The following ARFGEF2 variants were observed in gnomAD, a reference collection of about 807,000 sequenced individuals.
ARFGEF2 encodes ARF guanine nucleotide exchange factor 2.
In ARFGEF2, 74 loss-of-function variants were observed where a neutral mutation model predicts 219.9. That is an observed-to-expected ratio of 0.34 (90% CI 0.28 to 0.41). The LOEUF (loss-of-function observed/expected upper bound fraction) is 0.41. ARFGEF2 is among the 10% of genes least tolerant of loss of function. The pLI is 1.00. For missense variants in ARFGEF2, 1,743 were observed against 2,218.3 expected (o/e 0.79, Z 4.30); for synonymous variants, 733 against 799.2 (o/e 0.92, Z 1.40).
At chr20:48,964,699 A>G (rs939718804) in intron 7 of ARFGEF2, among the ~76,000 whole-genome samples, 3 of 152,218 alleles carry the variant, frequency 2.0e-5, no homozygotes, top group Non-Finnish European at 2.9e-5. Context: ...TATGGCTCAG[A>G]ATGACTGTTA....
chr20:48,968,036 C>G (rs2091199709), intron 8 of ARFGEF2, among the ~76,000 whole-genome samples: 3 of 152,072 alleles, frequency 2.0e-5, no homozygotes, highest in Admixed American at 2.0e-4. Flanking sequence ...CTCTGTTGCC[C>G]AGGCTGGAGT....
chr20:48,994,390 A>G, intron 21 of ARFGEF2, 61 bp from the exon 22 acceptor site: 2 of 1,604,722 alleles, frequency 1.2e-6, no homozygotes, highest in Non-Finnish European at 8.5e-7. Flanking sequence ...ACTTAAGATT[A>G]CAGTGCCCTT....
intron 1 of ARFGEF2, among the ~76,000 whole-genome samples, chr20:48,933,776 A>G (rs913426817): frequency 2.6e-5 from 4 of 152,014 alleles, no homozygotes; most frequent in Non-Finnish European, 5.9e-5. Context: ...TCTCTGGAGC[A>G]TGTGGGGCTG....
Position 49,023,163 on chromosome 20 carries a change from G to C in ARFGEF2, c.4737G>C (p.Glu1579Asp). 1 of 1,614,154 alleles carries C rather than the reference G, an allele frequency of 6.2e-7. No individual in the cohort carries two copies. The highest frequency in any genetic ancestry group is 1.1e-5 in the South Asian group (1 of 91,084). ...CGACGAGCAAAAAGGAGGATGCAGA[G>C]CACATGGTTGCCGCCCAGGTAAGAA... ...YPATSKKEDA[E>D]HMVAAQQDTL... The change falls in exon 35 of 39, where the codon GAG (glutamate) becomes GAC (aspartate). Residue 1579 changes from glutamate to aspartate, a missense_variant. Physicochemically the swap from Glu to Asp is conservative, Grantham distance 45 (BLOSUM62 2). Coordinates refer to ENST00000371917, the MANE Select transcript of ARFGEF2 (RefSeq NM_006420.3).
intron 8 of ARFGEF2, among the ~76,000 whole-genome samples, chr20:48,967,163 C>T (rs2091193321): frequency 6.6e-6 from 1 of 152,068 alleles, no homozygotes; most frequent in South Asian, 2.1e-4. Flanking sequence ...TGTTTTTTTC[C>T]CCCCTTGAGG....
At chr20:48,938,269 A>G (rs1233516779) in intron 1 of ARFGEF2, among the ~76,000 whole-genome samples, 2 of 152,182 alleles carry the variant, frequency 1.3e-5, no homozygotes, top group East Asian at 3.9e-4. Flanking sequence ...CATAGCACTG[A>G]TCACAGTCCT....
chr20:48,984,528 A>G (rs1192967771), intron 14 of ARFGEF2, among the ~76,000 whole-genome samples: 2 of 152,218 alleles, frequency 1.3e-5, no homozygotes, highest in Non-Finnish European at 2.9e-5. Flanking sequence ...TGAGGTGACA[A>G]TCAGCAGACT....
At position 49,010,237 on chromosome 20, in the gene ARFGEF2, C is replaced by T; in HGVS notation, c.3590C>T (p.Pro1197Leu). ...FEHIMKKNRS[P>L]TIRDMAIRCI... ...CCGTCCCATTCTTTCCTCAGGTCTC[C>T]CACCATCCGGGACATGGCGATCCGC... The change falls in exon 27 of 39, where the codon CCC becomes CTC. Residue 1197 changes from proline to leucine, a missense_variant. Around this residue, in one of 5 missense-constraint regions of ARFGEF2, gnomAD observed 102 missense variants for 146.8 expected, o/e 0.69. Coordinates refer to ENST00000371917, the MANE Select transcript of ARFGEF2 (RefSeq NM_006420.3). 6.2e-7 allele frequency: 1 copy of T among 1,613,402 alleles called. No homozygotes were observed. The highest frequency in any genetic ancestry group is 8.5e-7 in the Non-Finnish European group (1 of 1,179,380).
chr20:48,996,315 C>T (rs981151792), intron 23 of ARFGEF2, among the ~76,000 whole-genome samples: 3 of 151,662 alleles, frequency 2.0e-5, no homozygotes, highest in Non-Finnish European at 2.9e-5. Flanking sequence ...ATTAGTCAGG[C>T]GTGGTGGTGG....
At chr20:48,934,596 C>T (rs1238372207) in intron 1 of ARFGEF2, among the ~76,000 whole-genome samples, 1 of 152,152 alleles carries the variant, frequency 6.6e-6, no homozygotes, top group Non-Finnish European at 1.5e-5. Flanking sequence ...TGAGTGAGAA[C>T]ATGTGGTGTT....
At chr20:49,019,078 C>A in intron 34 of ARFGEF2, 80 bp downstream of exon 34, 1 of 1,184,304 alleles carries the variant, frequency 8.4e-7, no homozygotes, top group Non-Finnish European at 1.2e-6. Context: ...AAAGGGTAAA[C>A]ATGATAAGCC....
intron 23 of ARFGEF2, among the ~76,000 whole-genome samples, chr20:48,996,776 G>C (rs1265606638): frequency 6.8e-6 from 1 of 146,418 alleles, no homozygotes; most frequent in African/African-American, 2.5e-5. Flanking sequence ...CCATGAATGA[G>C]AGTTGGCTGA....
At position 49,018,995 on chromosome 20, in the gene ARFGEF2, G is replaced by C. The variant is rs775764028; in HGVS notation, c.4621G>C (p.Ala1541Pro). 1.5e-5 allele frequency: 24 copies of C among 1,611,204 alleles called. No individual in the cohort carries two copies. Among genetic ancestry groups the C allele is most frequent in the South Asian group, 2.2e-5 (2 of 91,008 alleles). The change falls in exon 34 of 39, where the codon GCA (alanine) becomes CCA (proline). Residue 1541 changes from alanine (A) to proline (P), a missense_variant. Around this residue, in one of 5 missense-constraint regions of ARFGEF2, gnomAD observed 578 missense variants for 664.0 expected, o/e 0.87. Transcript: ENST00000371917. Reference protein sequence around the residue: ...TDDSWKGRPYANQKLFASLLI... With the variant: ...TDDSWKGRPYPNQKLFASLLI... Reference sequence around the variant, plus strand: ...TGACAGCTGGAAGGGTAGACCATACGCAAGTAAGGCCACTTTTTAATTTGT... The same window carrying C: ...TGACAGCTGGAAGGGTAGACCATACCCAAGTAAGGCCACTTTTTAATTTGT...
At chr20:48,949,671 G>A (rs1441349434) in intron 3 of ARFGEF2, among the ~76,000 whole-genome samples, 1 of 152,056 alleles carries the variant, frequency 6.6e-6, no homozygotes, top group Non-Finnish European at 1.5e-5. Flanking sequence ...ACTAGCTAAG[G>A]AAGGGGAAAA....
chr20:49,001,310 G>A (rs1269856908), intron 25 of ARFGEF2, among the ~76,000 whole-genome samples: 4 of 152,060 alleles, frequency 2.6e-5, no homozygotes, highest in African/African-American at 4.8e-5. Context: ...AAAGTGTTGC[G>A]ATTACAGGCA....
chr20:48,932,282 G>C lies in ARFGEF2; in HGVS notation c.122-8917G>C, dbSNP rs145963028. Among the ~76,000 whole-genome samples, 91 of 152,314 alleles carry C rather than the reference G, an allele frequency of 6.0e-4. 1 individual carries two copies. In the East Asian group the frequency reaches 0.013, roughly 22 times the overall value. On this transcript the variant is annotated intron_variant, in intron 1 of 38. Transcript: ENST00000371917. ...TGCCCACTTCTAATTTCTGAGTGAA[G>C]TAGGAGGCCACTCCATTGGTTGTGA...
chr20:48,955,524 G>A (rs1250774981), intron 6 of ARFGEF2, among the ~76,000 whole-genome samples: 1 of 152,238 alleles, frequency 6.6e-6, no homozygotes, highest in Non-Finnish European at 1.5e-5. Context: ...CAGACATTGA[G>A]CAAATACATT....
chr20:48,932,487 T>C (rs1014270156), intron 1 of ARFGEF2, among the ~76,000 whole-genome samples: 1 of 152,162 alleles, frequency 6.6e-6, no homozygotes, highest in African/African-American at 2.4e-5. Context: ...TGCCCTGTTG[T>C]CAGAGGTCTG....
At chr20:48,981,292 A>G (rs139737108) in intron 14 of ARFGEF2, among the ~76,000 whole-genome samples, 88 of 152,294 alleles carry the variant, frequency 5.8e-4, no homozygotes, top group African/African-American at 2.0e-3. Flanking sequence ...TTTCTTTAAG[A>G]ATGTTGAATA....
Sources: allele counts gnomAD v4.1 joint callset (sites outside exome capture counted in the v4.1 genomes callset), GRCh38; gene constraint gnomAD v4.1.1; regional missense constraint gnomAD v4.1.1; transcripts MANE v1.5; gene names NCBI Gene and HGNC (gene_info 2026-07-23, HGNC 2026-07-21).